FGF12: variants seen among roughly 807,000 people sequenced by gnomAD.
The protein encoded by FGF12 is fibroblast growth factor 12.
A neutral mutation model predicts 23.6 loss-of-function variants in FGF12; 14 were observed. That is an observed-to-expected ratio of 0.59 (90% CI 0.39 to 0.93). The LOEUF is 0.93. Ranked by LOEUF, FGF12 falls within the 40% of genes least tolerant of loss-of-function variation. The pLI, the probability that FGF12 is intolerant of heterozygous loss-of-function variation, is 0.00. For synonymous variants in FGF12, 62 were observed against 77.3 expected, an observed-to-expected ratio of 0.80 and a Z score of 1.04; for missense variants, 175 against 217.8, an observed-to-expected ratio of 0.80 and a Z score of 1.24.
chr3:192,627,655 T>C (rs1715220698), intron 2 of FGF12, among the ~76,000 whole-genome samples: 1 of 152,180 alleles, frequency 6.6e-6, no homozygotes, highest in Admixed American at 6.6e-5. Context: ...AGTAGGGATA[T>C]CATTTATTTG....
chr3:192,689,627 A>C (rs1717879455), intron 2 of FGF12, among the ~76,000 whole-genome samples: 1 of 152,014 alleles, frequency 6.6e-6, no homozygotes, highest in Admixed American at 6.6e-5. Flanking sequence ...GTAAGAGTAG[A>C]AAAAAGAAAA....
intron 2 of FGF12, among the ~76,000 whole-genome samples, chr3:192,724,968 T>C (rs1354991836): frequency 2.6e-5 from 4 of 152,204 alleles, no homozygotes; most frequent in Non-Finnish European, 5.9e-5. Flanking sequence ...AAAAGTATTA[T>C]ATATACATAC....
intron 2 of FGF12, among the ~76,000 whole-genome samples, chr3:192,485,751 T>C (rs1577012284): frequency 1.3e-5 from 2 of 152,154 alleles, no homozygotes; most frequent in East Asian, 1.9e-4. Flanking sequence ...AACATACTTA[T>C]GTGAACAGAT....
rs550931626 is a variant in FGF12 at position 192,393,993 on chromosome 3, A to T, written c.14-33455T>A. On this transcript the variant is annotated intron_variant, in intron 2 of 5. Transcript: ENST00000445105. ...TTGCCTCTCCACATCCATTCCAATC[A>T]GTTCCTATGGCATCCTATACTTTAC... Among the ~76,000 whole-genome samples, 68 of 152,196 alleles carry T rather than the reference A, an allele frequency of 4.5e-4. 1 individual carries two copies. Among genetic ancestry groups the T allele is most frequent in the Non-Finnish European group, 8.5e-4 (58 of 68,022 alleles).
chr3:192,568,229 T>A (rs1712435193), intron 2 of FGF12, among the ~76,000 whole-genome samples: 1 of 152,146 alleles, frequency 6.6e-6, no homozygotes, highest in Admixed American at 6.5e-5. Flanking sequence ...TCTGCAAAGA[T>A]CCCTTTTCCA....
intron 2 of FGF12, among the ~76,000 whole-genome samples, chr3:192,418,845 G>A (rs530755775): frequency 2.4e-4 from 37 of 152,274 alleles, no homozygotes; most frequent in African/African-American, 6.5e-4. Context: ...GCAGAACCGT[G>A]AGCCAATTAA....
intron 2 of FGF12, among the ~76,000 whole-genome samples, chr3:192,661,945 TA>T (rs371771809): frequency 6.6e-6 from 1 of 152,312 alleles, no homozygotes; most frequent in African/African-American, 2.4e-5. Flanking sequence ...ACGCTTGCCA[TA>T]AAATTCTACT....
intron 2 of FGF12, among the ~76,000 whole-genome samples, chr3:192,474,347 C>T (rs190597258): frequency 1.5e-4 from 23 of 152,284 alleles, no homozygotes; most frequent in African/African-American, 4.8e-4. Flanking sequence ...GCAAGTAATT[C>T]TTCTAAGGCT....
At position 192,170,564 on chromosome 3, in the gene FGF12, T is replaced by C. The variant is rs1245258297; in HGVS notation, c.321A>G (p.Ser107=). ...YSSTLYRQQE[S]GRAWFLGLNK... Reference sequence around the variant, plus strand: ...TGAGTCCCAGAAACCAAGCTCGGCCTGATTCTTGCTGGCGGTACAGTGTGG... The same window carrying C: ...TGAGTCCCAGAAACCAAGCTCGGCCCGATTCTTGCTGGCGGTACAGTGTGG... Residue 107 remains serine (S), a synonymous_variant, in exon 5 of 6, where the codon TCA becomes TCG. Transcript: ENST00000445105. The C allele has an allele frequency of 5.0e-6, 8 of 1,613,868 alleles. No homozygotes were observed. Among genetic ancestry groups the C allele is most frequent in the Middle Eastern group, 3.3e-4 (2 of 6,084 alleles).
chr3:192,714,570 G>A (rs1718801506), intron 2 of FGF12, among the ~76,000 whole-genome samples: 1 of 138,682 alleles, frequency 7.2e-6, no homozygotes, highest in Admixed American at 7.8e-5. Flanking sequence ...CCAGGCTGGA[G>A]TGCAGCGGCG....
intron 2 of FGF12, among the ~76,000 whole-genome samples, chr3:192,617,416 G>C (rs1714800513): frequency 6.6e-6 from 1 of 152,030 alleles, no homozygotes; most frequent in Non-Finnish European, 1.5e-5. Context: ...ACTACAAAGT[G>C]ATAAAGGGGG....
chr3:192,502,051 G>C (rs1358267047), intron 2 of FGF12, among the ~76,000 whole-genome samples: 1 of 152,220 alleles, frequency 6.6e-6, no homozygotes, highest in Admixed American at 6.5e-5. Context: ...ATAGATACCA[G>C]TCTGGGAAGT....
At chr3:192,251,389 A>G (rs1019458713) in intron 4 of FGF12, among the ~76,000 whole-genome samples, 1 of 152,190 alleles carries the variant, frequency 6.6e-6, no homozygotes, top group African/African-American at 2.4e-5. Context: ...TGGCTATAAC[A>G]GGTGTATCAG....
rs1314685078 is a variant in FGF12 at position 192,151,249 on chromosome 3, A to G, written c.428-7122T>C. Among the ~76,000 whole-genome samples the G allele has an allele frequency of 1.6e-5, 2 of 121,786 alleles. 1 individual carries two copies. The highest frequency in any genetic ancestry group is 3.6e-5 in the Non-Finnish European group (2 of 55,864). 79.9% of individuals were successfully genotyped at this position (121,786 alleles called of 152,430 possible). A position where few individuals can be genotyped will look rare whatever the true frequency, so the allele number is the denominator to read the frequency against. On this transcript the variant is annotated intron_variant, in intron 5 of 5. Coordinates refer to ENST00000445105, the MANE Select transcript of FGF12 (RefSeq NM_004113.6). Reference sequence around the variant, plus strand: ...AATGGGGTTTTCTAGACATACAATCATGTCGTCTGCAAACAGGGACAATTT... The same window carrying G: ...AATGGGGTTTTCTAGACATACAATCGTGTCGTCTGCAAACAGGGACAATTT...
chr3:192,727,481 T>TG lies in FGF12; in HGVS notation c.-131+2_-131+3insC. The stretch of plus-strand genomic sequence containing the variant: ...GCTCAGATTTTTTTTTTTTTTTTTT[T>TG]ACCTGGGTCTGGAAGCTGCAGGCAG... On this transcript the variant is annotated splice_region_variant and intron_variant, in intron 1 of 5. Transcript: ENST00000445105. 1 of 673,026 alleles carries TG rather than the reference T, an allele frequency of 1.5e-6. No homozygotes were observed. Among genetic ancestry groups the TG allele is most frequent in the Non-Finnish European group, 2.4e-6 (1 of 425,308 alleles). 41.7% of individuals were successfully genotyped at this position (673,026 alleles called of 1,614,324 possible).
chr3:192,382,867 GA>G (rs1351344239), intron 2 of FGF12, among the ~76,000 whole-genome samples: 2 of 152,102 alleles, frequency 1.3e-5, no homozygotes, highest in Non-Finnish European at 2.9e-5. Flanking sequence ...TTAAGCATAA[GA>G]ATGATATCTA....
At chr3:192,185,837 C>T (rs539566341) in intron 4 of FGF12, among the ~76,000 whole-genome samples, 11 of 149,208 alleles carry the variant, frequency 7.4e-5, no homozygotes, top group East Asian at 2.0e-4. Flanking sequence ...TCAGCCTGGG[C>T]GACAGAGCGA....
At chr3:192,190,598 CCCGAGT>C (rs1716734803) in intron 4 of FGF12, among the ~76,000 whole-genome samples, 1 of 151,118 alleles carries the variant, frequency 6.6e-6, no homozygotes, top group Non-Finnish European at 1.5e-5. Flanking sequence ...GCCTCAGCCT[CCCGAGT>C]AGCTGGGACT....
At chr3:192,437,563 G>T (rs146243429) in intron 2 of FGF12, among the ~76,000 whole-genome samples, 2 of 152,100 alleles carry the variant, frequency 1.3e-5, no homozygotes, top group Admixed American at 6.5e-5. Flanking sequence ...GTGGTGGTGG[G>T]TGCCTGTAAT....
Sources: gnomAD v4.1 joint callset for allele counts (sites outside exome capture counted in the v4.1 genomes callset) on GRCh38, gnomAD v4.1.1 for gene constraint, MANE v1.5 for transcripts, NCBI Gene and HGNC (gene_info 2026-07-23, HGNC 2026-07-21) for gene names.